AMACR: variants seen among roughly 807,000 people sequenced by gnomAD.
The protein encoded by AMACR is 2-methylacyl-CoA racemase.
Under a neutral mutation model 22.2 loss-of-function variants are expected in AMACR, and 18 were observed. The observed-to-expected ratio is 0.81, with a 90% CI of 0.56 to 1.20. The LOEUF (loss-of-function observed/expected upper bound fraction) is 1.20. Among genes scored for constraint, AMACR ranks in the 50% most tolerant of loss-of-function variants. The probability of loss-of-function intolerance (pLI) is 0.00; values close to 1 mark genes in which losing one functional copy is unlikely to be tolerated. For missense variants in AMACR, 499 were observed against 490.6 expected (o/e 1.02, Z -0.16); for synonymous variants, 213 against 191.3 (o/e 1.11, Z -0.94).
chr5:34,002,436 T>C (rs905675528), intron 3 of AMACR, among the ~76,000 whole-genome samples: 3 of 152,256 alleles, frequency 2.0e-5, no homozygotes, highest in Non-Finnish European at 4.4e-5. Context: ...GAGAAGTATC[T>C]AGGCTCAAAT....
In AMACR at chr5:33,989,494, G is replaced by C; in HGVS notation, c.748C>G (p.Leu250Val). Reference sequence around the variant, plus strand: ...TGATTGGGAAGTTCATCAGACTTTAGTCCAAGTCCTGAGGAAAAATACAAT... The same window carrying C: ...TGATTGGGAAGTTCATCAGACTTTACTCCAAGTCCTGAGGAAAAATACAAT... ...FYELLIKGLG[L>V]KSDELPNQMS... is the part of the protein sequence containing the mutation. The change falls in exon 5 of 5, where the codon CTA becomes GTA. Residue 250 changes from leucine (L) to valine (V), a missense_variant. Physicochemically the swap from Leu to Val is conservative, Grantham distance 32 (BLOSUM62 1). Coordinates refer to ENST00000335606, the MANE Select transcript of AMACR (RefSeq NM_014324.6). 1 of 1,613,770 alleles carries C rather than the reference G, an allele frequency of 6.2e-7. No homozygotes were observed. The highest frequency in any genetic ancestry group is 8.5e-7 in the Non-Finnish European group (1 of 1,179,728).
Position 34,004,488 on chromosome 5 carries a change from G to T in AMACR, c.552+86C>A, listed in dbSNP as rs1163496392. ...AAACTTCAAATGTCATTTATCTCTT[G>T]TCTTCTTCTTCAAAAAAAGGATTTT... On this transcript the variant is annotated intron_variant, in intron 3 of 4. Coordinates refer to ENST00000335606, the MANE Select transcript of AMACR (RefSeq NM_014324.6). The T allele has an allele frequency of 2.6e-6, 4 of 1,546,492 alleles. No homozygotes were observed. The African/African-American group carries it at 4.1e-5, about 16-fold the overall frequency.
chr5:33,989,653 T>A, intron 4 of AMACR, 151 bp from the exon 5 acceptor site: 1 of 698,732 alleles, frequency 1.4e-6, no homozygotes, highest in Non-Finnish European at 2.4e-6. Flanking sequence ...GTAAAATCAG[T>A]TTAAGGTTAG....
intron 4 of AMACR, among the ~76,000 whole-genome samples, chr5:33,993,687 T>A (rs1228754201): frequency 1.3e-5 from 2 of 152,072 alleles, no homozygotes; most frequent in East Asian, 3.8e-4. Flanking sequence ...TCACTTGAGG[T>A]CAGGAGTTCG....
Position 34,008,014 on chromosome 5 carries a change from T to C in AMACR, c.6A>G (p.Ala2=). 1 of 1,610,464 alleles carries C rather than the reference T, an allele frequency of 6.2e-7. No homozygotes were observed. The highest frequency in any genetic ancestry group is 2.2e-5 in the East Asian group (1 of 44,860). Residue 2 remains alanine, a synonymous_variant, in exon 1 of 5, where the codon GCA becomes GCG. Coordinates refer to ENST00000335606, the MANE Select transcript of AMACR (RefSeq NM_014324.6). M[A]LQGISVVELS... ...GCTCCACGACCGAGATGCCCTGCAGTGCCATGGCGCTTCCCAGTGCCCCGC... is the reference window on the plus strand; with the variant it reads ...GCTCCACGACCGAGATGCCCTGCAGCGCCATGGCGCTTCCCAGTGCCCCGC...
At chr5:34,005,437 A>C (rs1458745992) in intron 2 of AMACR, among the ~76,000 whole-genome samples, 1 of 152,168 alleles carries the variant, frequency 6.6e-6, no homozygotes, top group Non-Finnish European at 1.5e-5. Flanking sequence ...TTTTCAAACC[A>C]CAGAGCAACC....
At chr5:34,006,590 A>C (rs1332498328) in intron 1 of AMACR, among the ~76,000 whole-genome samples, 1 of 151,632 alleles carries the variant, frequency 6.6e-6, no homozygotes, top group South Asian at 2.1e-4. Context: ...ACCAGTCACA[A>C]CTCCTCACCC....
intron 1 of AMACR, 44 bp from the exon 2 acceptor site, chr5:34,005,943 G>A: frequency 1.2e-6 from 2 of 1,607,662 alleles, no homozygotes; most frequent in East Asian, 2.2e-5. Flanking sequence ...TATGAATTGA[G>A]GATGGAGATA....
chr5:34,002,266 G>A (rs1227489376), intron 3 of AMACR, among the ~76,000 whole-genome samples: 1 of 152,142 alleles, frequency 6.6e-6, no homozygotes, highest in Non-Finnish European at 1.5e-5. Flanking sequence ...CAAAGTGCTG[G>A]GATTACAGGC....
chr5:33,996,844 C>A (rs544423948), intron 4 of AMACR, among the ~76,000 whole-genome samples: 5 of 152,216 alleles, frequency 3.3e-5, no homozygotes, highest in Non-Finnish European at 5.9e-5. Context: ...TTAGCTGAAG[C>A]TAACTCAGCT....
Position 34,007,779 on chromosome 5 carries a change from G to C in AMACR, c.241C>G (p.Arg81Gly), listed in dbSNP as rs1260483531. Residue 81 changes from arginine (R) to glycine (G), a missense_variant, in exon 1 of 5, where the codon CGC (arginine) becomes GGC (glycine). Coordinates refer to ENST00000335606, the MANE Select transcript of AMACR (RefSeq NM_014324.6). ...CCGCGGGGCCCGGGCTCACCGCGGC[G>C]GAAGGGCTCCAGCAGCACATCCGAC... ...KRSDVLLEPF[R>G]RGVMEKLQLG... is the part of the protein sequence containing the mutation. The C allele has an allele frequency of 6.4e-7, 1 of 1,556,774 alleles. No homozygotes were observed. Among genetic ancestry groups the C allele is most frequent in the South Asian group, 1.2e-5 (1 of 86,106 alleles).
rs1753671897 is a variant in AMACR, at chr5:33,997,321, T to C, written c.739+1320A>G. The C allele has an allele frequency of 5.2e-6, 4 of 774,166 alleles. No homozygotes were observed. In the East Asian group the frequency reaches 9.7e-5, roughly 19 times the overall value. The allele number at this position is 774,166 out of a possible 1,614,324, so 48.0% of individuals were successfully genotyped here. A position where few individuals can be genotyped will look rare whatever the true frequency, so the allele number is the denominator to read the frequency against. Reference sequence around the variant, plus strand: ...GAAGCATCCCCCAGCAGCCTGAGTGTAACATAAATTTTTAATCATCATTGG... The same window carrying C: ...GAAGCATCCCCCAGCAGCCTGAGTGCAACATAAATTTTTAATCATCATTGG... On this transcript the variant is annotated intron_variant, in intron 4 of 4. Transcript: ENST00000335606.
intron 1 of AMACR, among the ~76,000 whole-genome samples, chr5:34,006,584 G>C (rs1337721599): frequency 1.3e-5 from 2 of 152,182 alleles, no homozygotes; most frequent in Admixed American, 1.3e-4. Context: ...CTAAACACCA[G>C]TCACAACTCC....
chr5:33,996,965 G>A (rs921365033), intron 4 of AMACR: 1 of 571,840 alleles, frequency 1.7e-6, no homozygotes, highest in Middle Eastern at 4.7e-4. Flanking sequence ...AGTCCTGGGA[G>A]TTGTCACATT....
At chr5:33,993,780 T>G (rs887031745) in intron 4 of AMACR, among the ~76,000 whole-genome samples, 1 of 152,044 alleles carries the variant, frequency 6.6e-6, no homozygotes, top group Non-Finnish European at 1.5e-5. Context: ...GCACCTGTAA[T>G]CCCAGCTACT....
At position 34,007,996 on chromosome 5, in the gene AMACR, G is replaced by A. The variant is rs1219875354; in HGVS notation, c.24C>T (p.Val8=). 6.2e-7 allele frequency: 1 copy of A among 1,611,006 alleles called. No individual in the cohort carries two copies. The highest frequency in any genetic ancestry group is 8.5e-7 in the Non-Finnish European group (1 of 1,179,778). ...CCGGGGCCAGGCCGGACAGCTCCAC[G>A]ACCGAGATGCCCTGCAGTGCCATGG... MALQGIS[V]VELSGLAPGP... is the part of the protein sequence containing the mutation. The change falls in exon 1 of 5, where the codon GTC becomes GTT. Residue 8 remains valine, a synonymous_variant. Transcript: ENST00000335606.
Position 33,988,646 on chromosome 5 carries a change from G to A in AMACR, c.*447C>T. On this transcript the variant is annotated 3_prime_UTR_variant, in exon 5 of 5. Coordinates refer to ENST00000335606, the MANE Select transcript of AMACR (RefSeq NM_014324.6). ...GGAGATCATGAACACCAAGACAAAA[G>A]GCCTGGATGCAACCAATCACTCTGT... is the stretch of plus-strand genomic sequence containing the variant. 1 of 1,253,514 alleles carries A rather than the reference G, an allele frequency of 8.0e-7. No homozygotes were observed. The highest frequency in any genetic ancestry group is 1.5e-5 in the African/African-American group (1 of 65,556). 77.6% of individuals were successfully genotyped at this position (1,253,514 alleles called of 1,614,324 possible).
intron 1 of AMACR, among the ~76,000 whole-genome samples, chr5:34,006,979 T>C (rs773781792): frequency 4.6e-5 from 7 of 152,232 alleles, no homozygotes; most frequent in Non-Finnish European, 8.8e-5. Context: ...TGGAGAGAAA[T>C]AGTCCGAGTG....
chr5:33,995,249 C>T (rs934536513), intron 4 of AMACR, among the ~76,000 whole-genome samples: 1 of 152,124 alleles, frequency 6.6e-6, no homozygotes, highest in Non-Finnish European at 1.5e-5. Flanking sequence ...GTTCAAGTAA[C>T]CCTTATTTTA....
Sources: gnomAD v4.1 joint callset for allele counts (sites outside exome capture counted in the v4.1 genomes callset) on GRCh38, gnomAD v4.1.1 for gene constraint, MANE v1.5 for transcripts, NCBI Gene and HGNC (gene_info 2026-07-23, HGNC 2026-07-21) for gene names.